The following UXS1 variants were observed in gnomAD, a reference collection of about 807,000 sequenced individuals.
The protein encoded by UXS1 is UDP-glucuronate decarboxylase 1.
In UXS1, 33 loss-of-function variants were observed where a neutral mutation model predicts 62.6. That is an observed-to-expected ratio of 0.53 (90% CI 0.40 to 0.70). UXS1 has a LOEUF of 0.70. UXS1 is among the 30% of genes least tolerant of loss of function. UXS1 has a pLI of 0.00. For synonymous variants in UXS1, 213 were observed against 206.8 expected, an observed-to-expected ratio of 1.03 and a Z score of -0.26; for missense variants, 434 against 556.3, an observed-to-expected ratio of 0.78 and a Z score of 2.21.
At chr2:106,111,342 G>A (rs1442028580) in intron 10 of UXS1, among the ~76,000 whole-genome samples, 1 of 152,174 alleles carries the variant, frequency 6.6e-6, no homozygotes, top group Non-Finnish European at 1.5e-5. Context: ...GGGGGAGGTG[G>A]GAGAGCTGGC....
At chr2:106,112,923 A>C (rs1002933777) in intron 9 of UXS1, among the ~76,000 whole-genome samples, 158 bp from the exon 10 acceptor site, 2 of 151,974 alleles carry the variant, frequency 1.3e-5, no homozygotes, top group Non-Finnish European at 2.9e-5. Flanking sequence ...TAATGTGCTC[A>C]TTATAGACCA....
chr2:106,180,607 T>G (rs1342208914), intron 1 of UXS1, among the ~76,000 whole-genome samples: 1 of 152,202 alleles, frequency 6.6e-6, no homozygotes, highest in African/African-American at 2.4e-5. Flanking sequence ...CCAATAAACT[T>G]GGAAACACGT....
chr2:106,131,044 T>C (rs564617008), intron 6 of UXS1, among the ~76,000 whole-genome samples: 2 of 150,354 alleles, frequency 1.3e-5, no homozygotes, highest in East Asian at 2.0e-4. Flanking sequence ...GGCCAGTGTG[T>C]GCGCGCACCG....
chr2:106,191,581 T>G (rs1307637745), intron 1 of UXS1, among the ~76,000 whole-genome samples: 1 of 152,252 alleles, frequency 6.6e-6, no homozygotes, highest in East Asian at 1.9e-4. Context: ...CAGGCCTGCC[T>G]GCCTGCTTGC....
chr2:106,105,099 G>A (rs1901469), intron 10 of UXS1, among the ~76,000 whole-genome samples: 109,143 of 152,028 alleles, frequency 0.72, 39,512 homozygotes, highest in Non-Finnish European at 0.76. Flanking sequence ...GAAGGAATTC[G>A]CTTCTGCTGG....
chr2:106,172,133 G>A (rs1324381653), intron 1 of UXS1, among the ~76,000 whole-genome samples: 5 of 152,260 alleles, frequency 3.3e-5, no homozygotes, highest in Non-Finnish European at 7.3e-5. Flanking sequence ...GCGACATGGG[G>A]TCTGTGATGG....
chr2:106,109,761 C>T (rs774291942), intron 10 of UXS1, among the ~76,000 whole-genome samples: 12 of 152,198 alleles, frequency 7.9e-5, no homozygotes, highest in Non-Finnish European at 1.5e-4. Context: ...GGTACAGCAA[C>T]GAGTGAGATG....
At chr2:106,184,900 G>C (rs1158598778) in intron 1 of UXS1, among the ~76,000 whole-genome samples, 3 of 152,132 alleles carry the variant, frequency 2.0e-5, no homozygotes, top group Admixed American at 2.0e-4. Context: ...GCACATTTCA[G>C]GCCACACGGG....
chr2:106,169,382 C>A (rs1683402302), intron 1 of UXS1, among the ~76,000 whole-genome samples: 1 of 152,182 alleles, frequency 6.6e-6, no homozygotes, highest in South Asian at 2.1e-4. Context: ...TTCTTTCAAA[C>A]CTTTTTTCAA....
Position 106,094,005 on chromosome 2 carries a change from T to C in UXS1, c.*21A>G, listed in dbSNP as rs772072034. 1.9e-6 allele frequency: 3 copies of C among 1,594,430 alleles called. No individual in the cohort carries two copies. The highest frequency in any genetic ancestry group is 2.3e-5 in the South Asian group (2 of 87,474). On this transcript the variant is annotated 3_prime_UTR_variant, in exon 15 of 15. Transcript: ENST00000283148. The stretch of plus-strand genomic sequence containing the variant: ...CCCATCAAGTGTACAATGGTAGTCT[T>C]GTGTCCTAAAAGTGAGGAGTTCAGC...
chr2:106,193,543 T>C (rs1685068032), intron 1 of UXS1, among the ~76,000 whole-genome samples: 2 of 151,916 alleles, frequency 1.3e-5, no homozygotes, highest in African/African-American at 4.8e-5. Context: ...CCTGCCTGCT[T>C]CGCCCGGCCG....
Position 106,104,794 on chromosome 2 carries a change from C to T in UXS1, c.923G>A (p.Ser308Asn). 6.2e-7 allele frequency: 1 copy of T among 1,614,020 alleles called. No individual in the cohort carries two copies. Among genetic ancestry groups the T allele is most frequent in the Non-Finnish European group, 8.5e-7 (1 of 1,179,900 alleles). Residue 308 changes from serine (S) to asparagine (N), a missense_variant and splice_region_variant, in exon 11 of 15, where the codon AGC becomes AAC. Transcript: ENST00000283148. ...GSQTRAFQYV[S>N]DLVNGLVALM... ...CTGGGGCAGGGCAGGACAGTCTTAC[C>T]TGACGTACTGGAACGCCCTTGTCTG...
At chr2:106,163,591 CA>C (rs1683036880) in intron 4 of UXS1, 75 bp downstream of exon 4, 6 of 955,694 alleles carry the variant, frequency 6.3e-6, no homozygotes, top group Non-Finnish European at 8.3e-6. Context: ...GAGTTTGGAG[CA>C]AACAAACAGA....
In UXS1 at chr2:106,149,666, C is replaced by T. The variant is rs540434716; in HGVS notation, c.292-4296G>A. Among the ~76,000 whole-genome samples the T allele has an allele frequency of 1.1e-4, 17 of 152,276 alleles. No homozygotes were observed. The South Asian group carries it at 3.3e-3, about 30-fold the overall frequency. The stretch of plus-strand genomic sequence containing the variant: ...AATTACCCAGTCTTAGGTACTCTGT[C>T]ATAGCAGCACAAAAAGGACTAGGAC... On this transcript the variant is annotated intron_variant, in intron 5 of 14. Transcript: ENST00000283148.
intron 5 of UXS1, among the ~76,000 whole-genome samples, chr2:106,149,300 C>G (rs867695880): frequency 2.6e-5 from 4 of 152,108 alleles, no homozygotes; most frequent in Non-Finnish European, 4.4e-5. Flanking sequence ...AAATTCATGG[C>G]AAGATTTTGC....
At position 106,143,408 on chromosome 2, in the gene UXS1, CAAAAAAAAAAAAA is replaced by C. The variant is rs60493984; in HGVS notation, c.472+1769_472+1781del. Among the ~76,000 whole-genome samples, 307 of 38,658 alleles carry C rather than the reference CAAAAAAAAAAAAA, an allele frequency of 7.9e-3. 2 individuals are homozygous for C. The highest frequency in any genetic ancestry group is 0.031 in the African/African-American group (260 of 8,436). The allele number at this position is 38,658 out of a possible 152,430, so 25.4% of individuals were successfully genotyped here. A position where few individuals can be genotyped will look rare whatever the true frequency, so the allele number is the denominator to read the frequency against. ...TGGGCAACAGAGAGAGACTCCGTCT[CAAAAAAAAAAAAA>C]AAAAAAAAAAAAAAAAAGGTATAAT... On this transcript the variant is annotated intron_variant, in intron 6 of 14. Coordinates refer to ENST00000283148, the MANE Select transcript of UXS1 (RefSeq NM_001253875.2).
intron 5 of UXS1, among the ~76,000 whole-genome samples, chr2:106,150,260 C>T (rs1012826607): frequency 6.6e-6 from 1 of 152,144 alleles, no homozygotes; most frequent in African/African-American, 2.4e-5. Context: ...TTTAAGTCCC[C>T]AGCCTTACCA....
intron 1 of UXS1, among the ~76,000 whole-genome samples, chr2:106,188,822 C>T (rs896266312): frequency 4.6e-5 from 7 of 152,098 alleles, no homozygotes; most frequent in African/African-American, 1.7e-4. Context: ...GGAAGGCAGC[C>T]TAGAGGAAAG....
intron 6 of UXS1, among the ~76,000 whole-genome samples, chr2:106,143,463 G>T (rs1373051416): frequency 7.3e-6 from 1 of 136,678 alleles, no homozygotes; most frequent in Non-Finnish European, 1.5e-5. Context: ...AGCACTTAGT[G>T]AAATGAGGGC....
Sources: gnomAD v4.1 joint callset for allele counts (sites outside exome capture counted in the v4.1 genomes callset) on GRCh38, gnomAD v4.1.1 for gene constraint, MANE v1.5 for transcripts, NCBI Gene and HGNC (gene_info 2026-07-23, HGNC 2026-07-21) for gene names.